Variants in NAAA observed in about 807,000 individuals in gnomAD.
NAAA encodes the protein N-acylethanolamine-hydrolyzing acid amidase.
In NAAA, 39 loss-of-function variants were observed where a neutral mutation model predicts 44.8. That is an observed-to-expected ratio of 0.87 (90% confidence interval 0.67 to 1.14). The LOEUF is 1.14. Ranked by LOEUF, NAAA falls within the 50% of genes most tolerant of loss-of-function variation. NAAA has a pLI of 0.00. For synonymous variants in NAAA, 178 were observed against 191.3 expected, an observed-to-expected ratio of 0.93 and a Z score of 0.58; for missense variants, 460 against 467.8, an observed-to-expected ratio of 0.98 and a Z score of 0.15.
intron 5 of NAAA, among the ~76,000 whole-genome samples, chr4:75,923,543 T>C (rs952969319): frequency 1.3e-5 from 2 of 151,148 alleles, no homozygotes; most frequent in Non-Finnish European, 3.0e-5. Context: ...CCTTCTTTTT[T>C]CTTTTTTTTT....
rs1452663234 is a variant in NAAA at position 75,920,979 on chromosome 4, T to C, written c.811A>G (p.Ile271Val). 12 of 1,613,442 alleles carry C rather than the reference T, an allele frequency of 7.4e-6. No individual in the cohort carries two copies. Among genetic ancestry groups the C allele is most frequent in the Middle Eastern group, 1.6e-4 (1 of 6,062 alleles). The change falls in exon 6 of 11, where the codon ATT becomes GTT. Residue 271 changes from isoleucine to valine, a missense_variant. Ile to Val is a conservative substitution (Grantham distance 29). Transcript: ENST00000286733. ...CCATTCAAAGGATCTAGAGGCCAAA[T>C]GTCTGCTGGGCCATCTCTGTTCCTC... ...ITRNRDGPAD[I>V]WPLDPLNGAW... is the part of the protein sequence containing the mutation.
chr4:75,926,030 A>C lies in NAAA; in HGVS notation c.590-219T>G, dbSNP rs560310666. Reference sequence around the variant, plus strand: ...ATGTAGCCATCAAGGGAAGTGTCTTAATAAATATTAGGAAGAACATAGAGA... The same window carrying C: ...ATGTAGCCATCAAGGGAAGTGTCTTCATAAATATTAGGAAGAACATAGAGA... On this transcript the variant is annotated intron_variant, in intron 4 of 10. Coordinates refer to ENST00000286733, the MANE Select transcript of NAAA (RefSeq NM_014435.4). 7.2e-5 allele frequency among the ~76,000 whole-genome samples: 11 copies of C among 152,176 alleles called. No homozygotes were observed. In the Middle Eastern group the frequency reaches 0.01, roughly 141 times the overall value.
At chr4:75,911,070 G>C (rs898467276), downstream of NAAA, among the ~76,000 whole-genome samples, 1 of 151,966 alleles carries the variant, frequency 6.6e-6, no homozygotes, top group Non-Finnish European at 1.5e-5. Flanking sequence ...AGGGTGTATC[G>C]TACAAAGTAC....
rs910472579 is a variant in NAAA, at chr4:75,913,901, G to C, written c.*474C>G. The C allele has an allele frequency of 5.1e-6, 5 of 985,194 alleles. No homozygotes were observed. The African/African-American group carries it at 8.7e-5, about 17-fold the overall frequency. 61.0% of individuals were successfully genotyped at this position (985,194 alleles called of 1,614,324 possible). Reference sequence around the variant, plus strand: ...ATCAGACTAACACACATTCAAACAGGCTTGGTTCGAAATAGAGTTCTCCAT... The same window carrying C: ...ATCAGACTAACACACATTCAAACAGCCTTGGTTCGAAATAGAGTTCTCCAT... On this transcript the variant is annotated 3_prime_UTR_variant, in exon 11 of 11. Coordinates refer to ENST00000286733, the MANE Select transcript of NAAA (RefSeq NM_014435.4).
downstream of NAAA, among the ~76,000 whole-genome samples, chr4:75,910,996 G>T (rs1725304175): frequency 6.6e-6 from 1 of 152,132 alleles, no homozygotes; most frequent in South Asian, 2.1e-4. Context: ...GCAGGAAGTG[G>T]ATCTTACAAA....
At chr4:75,937,559 C>T (rs910071523) in intron 2 of NAAA, among the ~76,000 whole-genome samples, 5 of 152,162 alleles carry the variant, frequency 3.3e-5, no homozygotes, top group Non-Finnish European at 7.3e-5. Flanking sequence ...AATGTCGGCT[C>T]ACTGCAGCCG....
chr4:75,938,279 T>A (rs1438188120), intron 2 of NAAA, among the ~76,000 whole-genome samples: 5 of 152,254 alleles, frequency 3.3e-5, no homozygotes, highest in Non-Finnish European at 1.5e-5. Flanking sequence ...ATTAGGCAAT[T>A]CAATAAATAC....
Position 75,914,884 on chromosome 4 carries a change from G to A in NAAA, c.*20C>T, listed in dbSNP as rs539389880. The A allele has an allele frequency of 1.4e-5, 23 of 1,613,386 alleles. No homozygotes were observed. Among genetic ancestry groups the A allele is most frequent in the Middle Eastern group, 1.7e-4 (1 of 6,036 alleles). On this transcript the variant is annotated 3_prime_UTR_variant, in exon 10 of 11. Transcript: ENST00000286733. ...ACAACAAACCTTTCACAGCACGGGC[G>A]AACTCGCTCTTCTGCTGACTTACTT...
At position 75,925,701 on chromosome 4, in the gene NAAA, G is replaced by A. The variant is rs369906842; in HGVS notation, c.666+34C>T. On this transcript the variant is annotated intron_variant, in intron 5 of 10. Coordinates refer to ENST00000286733, the MANE Select transcript of NAAA (RefSeq NM_014435.4). Reference sequence around the variant, plus strand: ...CAGAACAGTTTAGAAGGTGGAGGTGGAGTTAAGGAGGGCTCCACATTAAAT... The same window carrying A: ...CAGAACAGTTTAGAAGGTGGAGGTGAAGTTAAGGAGGGCTCCACATTAAAT... 11 of 1,594,664 alleles carry A rather than the reference G, an allele frequency of 6.9e-6. No homozygotes were observed. The Admixed American group carries it at 1.5e-4, about 22-fold the overall frequency.
intron 5 of NAAA, among the ~76,000 whole-genome samples, chr4:75,921,968 G>T (rs1489401582): frequency 6.6e-6 from 1 of 152,120 alleles, no homozygotes; most frequent in Non-Finnish European, 1.5e-5. Flanking sequence ...GAGCTGATCT[G>T]CTCAAGAATA....
At chr4:75,912,312 T>C (rs533857592), downstream of NAAA, among the ~76,000 whole-genome samples, 2 of 151,642 alleles carry the variant, frequency 1.3e-5, no homozygotes, top group African/African-American at 2.4e-5. Context: ...CCCAGCACTT[T>C]GGGAGGCCAA....
chr4:75,925,963 A>G, intron 4 of NAAA, 152 bp from the exon 5 acceptor site: 1 of 707,708 alleles, frequency 1.4e-6, no homozygotes, highest in Non-Finnish European at 2.4e-6. Flanking sequence ...TAGTTATGTC[A>G]AAGGAAATAA....
chr4:75,921,625 T>C (rs1560504331), intron 5 of NAAA, among the ~76,000 whole-genome samples: 1 of 152,174 alleles, frequency 6.6e-6, no homozygotes, highest in Non-Finnish European at 1.5e-5. Flanking sequence ...TAAGATGCTA[T>C]GGACGTCACA....
chr4:75,931,197 GGGT>G lies in NAAA; in HGVS notation c.589+14_589+16del, dbSNP rs1325484340. On this transcript the variant is annotated intron_variant, in intron 4 of 10. Coordinates refer to ENST00000286733, the MANE Select transcript of NAAA (RefSeq NM_014435.4). ...CAATAATGTAGCTAAAATTACACAG[GGGT>G]TTGTTTTGATTACCTCGTTCATCAC... is the stretch of plus-strand genomic sequence containing the variant. The G allele has an allele frequency of 1.2e-6, 2 of 1,600,222 alleles. No individual in the cohort carries two copies. Among genetic ancestry groups the G allele is most frequent in the Admixed American group, 3.3e-5 (2 of 59,750 alleles).
chr4:75,924,429 G>A (rs577965919), intron 5 of NAAA, among the ~76,000 whole-genome samples: 2 of 152,172 alleles, frequency 1.3e-5, no homozygotes, highest in African/African-American at 2.4e-5. Flanking sequence ...ATTTAAAACC[G>A]ATGAATTATT....
intron 3 of NAAA, among the ~76,000 whole-genome samples, chr4:75,932,020 G>C (rs1015258620): frequency 2.6e-5 from 4 of 152,034 alleles, no homozygotes; most frequent in Admixed American, 2.6e-4. Context: ...ACCTGAGGTC[G>C]GGAGTTCAAG....
rs192282293 is a variant in NAAA, at chr4:75,940,132, G to A, written c.240C>T (p.Ile80=). 1,782 of 1,614,080 alleles carry A rather than the reference G, an allele frequency of 1.1e-3. 6 individuals are homozygous for A. In the Middle Eastern group the frequency reaches 0.013, roughly 12 times the overall value. ...DRVPKWVHVL[I]GKVVLELERF... is the part of the protein sequence containing the mutation. ...GCTCCAGCTCCAGGACCACTTTTCC[G>A]ATTAACACGTGCACCCACTTGGGGA... is the stretch of plus-strand genomic sequence containing the variant. Residue 80 remains isoleucine, a synonymous_variant, in exon 2 of 11, where the codon ATC becomes ATT. Coordinates refer to ENST00000286733, the MANE Select transcript of NAAA (RefSeq NM_014435.4).
At position 75,940,974 on chromosome 4, in the gene NAAA, T is replaced by G. The variant is rs748786300; in HGVS notation, c.-25A>C. On this transcript the variant is annotated 5_prime_UTR_variant, in exon 1 of 11. Coordinates refer to ENST00000286733, the MANE Select transcript of NAAA (RefSeq NM_014435.4). Reference sequence around the variant, plus strand: ...TGGCTCGGGCTCCAGCGGCCGCAACTTGGAGACCTGCAGCCGCTGTCGGAG... The same window carrying G: ...TGGCTCGGGCTCCAGCGGCCGCAACGTGGAGACCTGCAGCCGCTGTCGGAG... The G allele has an allele frequency of 5.5e-6, 8 of 1,453,708 alleles. No individual in the cohort carries two copies. The Admixed American group carries it at 2.1e-4, about 38-fold the overall frequency. The allele number at this position is 1,453,708 out of a possible 1,614,324, so 90.1% of individuals were successfully genotyped here. A position where few individuals can be genotyped will look rare whatever the true frequency, so the allele number is the denominator to read the frequency against.
At chr4:75,912,924 A>G (rs1402036509), downstream of NAAA, among the ~76,000 whole-genome samples, 1 of 152,190 alleles carries the variant, frequency 6.6e-6, no homozygotes, top group Non-Finnish European at 1.5e-5. Context: ...ACACTGTCCA[A>G]GAAGAAACAC....
Sources: allele counts gnomAD v4.1 joint callset (sites outside exome capture counted in the v4.1 genomes callset), GRCh38; gene constraint gnomAD v4.1.1; transcripts MANE v1.5; gene names NCBI Gene and HGNC (gene_info 2026-07-23, HGNC 2026-07-21).